CTXND1: variants seen among roughly 807,000 people sequenced by gnomAD.
CTXND1 encodes cortexin domain-containing 1 protein.
At chr15:80,236,003 T>C (rs963870406) in intron 1 of CTXND1, among the ~76,000 whole-genome samples, 1 of 146,934 alleles carries the variant, frequency 6.8e-6, no homozygotes, top group East Asian at 2.0e-4. Flanking sequence ...ACTTACCTTG[T>C]GCTGGGAACC....
At chr15:80,223,828 A>T (rs967579924) in intron 1 of CTXND1, among the ~76,000 whole-genome samples, 2 of 148,462 alleles carry the variant, frequency 1.3e-5, no homozygotes, top group African/African-American at 2.5e-5. Flanking sequence ...AAAAAAAAAT[A>T]CCCAAAACAA....
chr15:80,237,675 A>G (rs977583153), intron 1 of CTXND1, among the ~76,000 whole-genome samples: 3 of 152,220 alleles, frequency 2.0e-5, no homozygotes, highest in Non-Finnish European at 2.9e-5. Context: ...TTTGTACACT[A>G]TGTTTGTGTT....
rs1435215721 is a variant in CTXND1 at position 80,199,795 on chromosome 15, T to C, written c.*1975A>G. 6.6e-6 allele frequency: 1 copy of C among 152,316 alleles called. No individual in the cohort carries two copies. The highest frequency in any genetic ancestry group is 1.5e-5 in the Non-Finnish European group (1 of 68,118). 9.4% of individuals were successfully genotyped at this position (152,316 alleles called of 1,614,324 possible). ...ACATTCAGGGGTCACCTAGTAGTGA[T>C]AGTGCTTTGGAACCCATTTTCCAGG... On this transcript the variant is annotated 3_prime_UTR_variant, in exon 3 of 3. Transcript: ENST00000560778.
At chr15:80,235,095 C>T (rs1401660961) in intron 1 of CTXND1, among the ~76,000 whole-genome samples, 1 of 152,158 alleles carries the variant, frequency 6.6e-6, no homozygotes, top group Non-Finnish European at 1.5e-5. Flanking sequence ...CTGCTCTTCC[C>T]TGGAGGGTTG....
intron 1 of CTXND1, among the ~76,000 whole-genome samples, chr15:80,244,742 A>G (rs963174833): frequency 2.6e-5 from 4 of 152,198 alleles, no homozygotes; most frequent in African/African-American, 9.7e-5. Flanking sequence ...GAGGATGCTG[A>G]TGCTGCTGGT....
intron 1 of CTXND1, among the ~76,000 whole-genome samples, chr15:80,223,304 G>C (rs986369516): frequency 6.6e-6 from 1 of 152,120 alleles, no homozygotes; most frequent in Non-Finnish European, 1.5e-5. Flanking sequence ...TGATCTGCCC[G>C]CTTCAGCCTC....
At chr15:80,248,628 G>A (rs1240305788) in intron 1 of CTXND1, among the ~76,000 whole-genome samples, 1 of 152,290 alleles carries the variant, frequency 6.6e-6, no homozygotes, top group East Asian at 1.9e-4. Flanking sequence ...AGAGAGGGAG[G>A]TGCGACAAAT....
intron 1 of CTXND1, among the ~76,000 whole-genome samples, chr15:80,226,552 C>T (rs1029009781): frequency 4.6e-5 from 7 of 152,112 alleles, no homozygotes; most frequent in Admixed American, 1.3e-4. Flanking sequence ...CCTGTGGCAA[C>T]GAGAAAGCCT....
intron 1 of CTXND1, among the ~76,000 whole-genome samples, chr15:80,228,281 C>T (rs1369310689): frequency 6.6e-6 from 1 of 152,226 alleles, no homozygotes; most frequent in African/African-American, 2.4e-5. Context: ...CTCCTGTCAG[C>T]GTCAACACAT....
At chr15:80,205,987 C>CAAAGAGGAAAAAAAAAAAAAAAGAA (rs1893143847) in intron 1 of CTXND1, among the ~76,000 whole-genome samples, 1 of 151,684 alleles carries the variant, frequency 6.6e-6, no homozygotes, top group African/African-American at 2.4e-5. Flanking sequence ...GAAGATGTTA[C>CAAAGAGGAAAAAAAAAAAAAAAGAA]AACATCTTAT....
intron 1 of CTXND1, among the ~76,000 whole-genome samples, chr15:80,243,447 T>G (rs1245373250): frequency 6.6e-6 from 1 of 151,442 alleles, no homozygotes; most frequent in Non-Finnish European, 1.5e-5. Flanking sequence ...ACGGGGTGAG[T>G]GGTGAGAGGT....
At position 80,201,926 on chromosome 15, in the gene CTXND1, G is replaced by A. The variant is rs2041451791; in HGVS notation, c.24C>T (p.Pro8=). 7.5e-6 allele frequency: 3 copies of A among 398,678 alleles called. No homozygotes were observed. Among genetic ancestry groups the A allele is most frequent in the South Asian group, 1.3e-4 (1 of 7,862 alleles). The allele number at this position is 398,678 out of a possible 1,614,324, so 24.7% of individuals were successfully genotyped here. A position where few individuals can be genotyped will look rare whatever the true frequency, so the allele number is the denominator to read the frequency against. MEEPTPE[P]VYVDVDKGLT... is the part of the protein sequence containing the mutation. Reference sequence around the variant, plus strand: ...GCCCTTTGTCTACGTCGACATAGACGGGCTCGGGCGTGGGCTCCTCCATCT... The same window carrying A: ...GCCCTTTGTCTACGTCGACATAGACAGGCTCGGGCGTGGGCTCCTCCATCT... The change falls in exon 3 of 3, where the codon CCC becomes CCT. Residue 8 remains proline (P), a synonymous_variant. Coordinates refer to ENST00000560778, the MANE Select transcript of CTXND1 (RefSeq NM_001352888.2).
intron 1 of CTXND1, among the ~76,000 whole-genome samples, chr15:80,236,977 T>C (rs2141461613): frequency 6.6e-6 from 1 of 151,940 alleles, no homozygotes; most frequent in Non-Finnish European, 1.5e-5. Flanking sequence ...ATACAAAAAT[T>C]TTACTGGCTT....
At chr15:80,236,735 A>G (rs531090305) in intron 1 of CTXND1, among the ~76,000 whole-genome samples, 1 of 150,986 alleles carries the variant, frequency 6.6e-6, no homozygotes, top group African/African-American at 2.4e-5. Flanking sequence ...GTAAGCCGAT[A>G]TTGTGCCACT....
At chr15:80,207,807 G>T (rs71397600) in intron 1 of CTXND1, among the ~76,000 whole-genome samples, 10,481 of 152,300 alleles carry the variant, frequency 0.069, 441 homozygotes, top group South Asian at 0.096. Flanking sequence ...TCTTTGGTTT[G>T]ACAATATTCC....
intron 1 of CTXND1, among the ~76,000 whole-genome samples, chr15:80,211,768 A>G (rs190626956): frequency 2.6e-5 from 4 of 152,296 alleles, no homozygotes; most frequent in Admixed American, 1.3e-4. Context: ...GAGAGAATGC[A>G]TTGTTATTAC....
chr15:80,222,243 G>C (rs1159989035), intron 1 of CTXND1, among the ~76,000 whole-genome samples: 1 of 152,086 alleles, frequency 6.6e-6, no homozygotes, highest in African/African-American at 2.4e-5. Flanking sequence ...ACACAAAGTA[G>C]AAATGGCGAT....
At chr15:80,216,602 A>G (rs1248474933) in intron 1 of CTXND1, among the ~76,000 whole-genome samples, 4 of 120,804 alleles carry the variant, frequency 3.3e-5, no homozygotes, top group Non-Finnish European at 5.7e-5. Flanking sequence ...CCCTTCCATT[A>G]TTTTATTTAT....
chr15:80,229,213 G>A (rs954547609), intron 1 of CTXND1, among the ~76,000 whole-genome samples: 12 of 151,234 alleles, frequency 7.9e-5, no homozygotes, highest in East Asian at 5.9e-4. Flanking sequence ...CCTCCCGCCC[G>A]GCCCCGCACC....
Sources: allele counts gnomAD v4.1 joint callset (sites outside exome capture counted in the v4.1 genomes callset), GRCh38; gene constraint gnomAD v4.1.1; transcripts MANE v1.5; gene names NCBI Gene and HGNC (gene_info 2026-07-23, HGNC 2026-07-21).